The following KCNJ13 variants were observed in gnomAD, a reference collection of about 807,000 sequenced individuals.
KCNJ13 encodes the protein inward rectifier potassium channel 13.
KCNJ13 carries 9 observed loss-of-function variants against 24.6 expected under a neutral mutation model. The observed-to-expected ratio is 0.37, with a 90% CI of 0.22 to 0.64. The LOEUF (loss-of-function observed/expected upper bound fraction) is 0.64, where lower values mean the gene tolerates loss of function less well. Among genes scored for constraint, KCNJ13 ranks in the 30% least tolerant of loss-of-function variants. KCNJ13 has a pLI of 0.64. For synonymous variants in KCNJ13, 148 were observed against 154.7 expected (o/e 0.96, Z 0.32); for missense variants, 337 against 443.8 (o/e 0.76, Z 2.16).
At chr2:232,768,843 G>C in intron 2 of KCNJ13, 30 bp from the exon 3 acceptor site, 4 of 1,570,002 alleles carry the variant, frequency 2.5e-6, no homozygotes, top group Non-Finnish European at 3.5e-6. Context: ...TTTTTTTTTA[G>C]AATGAAGACT....
chr2:232,768,144 T>G lies in KCNJ13; in HGVS notation c.*47A>C, dbSNP rs767179140. Reference sequence around the variant, plus strand: ...TGAGATACAGTAAAGAAAAAGTAGCTGCATAACTGGCTGGGTGTATTTAAT... The same window carrying G: ...TGAGATACAGTAAAGAAAAAGTAGCGGCATAACTGGCTGGGTGTATTTAAT... On this transcript the variant is annotated 3_prime_UTR_variant, in exon 3 of 3. Coordinates refer to ENST00000233826, the MANE Select transcript of KCNJ13 (RefSeq NM_002242.4). 6.3e-7 allele frequency: 1 copy of G among 1,591,290 alleles called. No homozygotes were observed. Among genetic ancestry groups the G allele is most frequent in the Non-Finnish European group, 8.6e-7 (1 of 1,160,722 alleles).
At position 232,766,649 on chromosome 2, in the gene KCNJ13, T is replaced by G. The variant is rs1304894266; in HGVS notation, c.*1542A>C. 6.6e-6 allele frequency: 1 copy of G among 152,326 alleles called. No individual in the cohort carries two copies. The highest frequency in any genetic ancestry group is 1.5e-5 in the Non-Finnish European group (1 of 68,136). 9.4% of individuals were successfully genotyped at this position (152,326 alleles called of 1,614,324 possible). A position where few individuals can be genotyped will look rare whatever the true frequency, so the allele number is the denominator to read the frequency against. The stretch of plus-strand genomic sequence containing the variant: ...CAGCAAAAGTTCACAATAATTAAGT[T>G]TCTGTGTTCTTGATATTCTTCTGCT... On this transcript the variant is annotated 3_prime_UTR_variant, in exon 3 of 3. Transcript: ENST00000233826.
chr2:232,774,412 A>G (rs547376051), intron 1 of KCNJ13, among the ~76,000 whole-genome samples: 2 of 152,216 alleles, frequency 1.3e-5, no homozygotes, highest in African/African-American at 4.8e-5. Flanking sequence ...CACAGTCTGA[A>G]TTATTAGATA....
chr2:232,766,703 C>G lies in KCNJ13; in HGVS notation c.*1488G>C, dbSNP rs1698977494. 6.6e-6 allele frequency: 1 copy of G among 152,204 alleles called. No individual in the cohort carries two copies. Among genetic ancestry groups the G allele is most frequent in the Admixed American group, 6.5e-5 (1 of 15,282 alleles). The allele number at this position is 152,204 out of a possible 1,614,324, so 9.4% of individuals were successfully genotyped here. On this transcript the variant is annotated 3_prime_UTR_variant, in exon 3 of 3. Coordinates refer to ENST00000233826, the MANE Select transcript of KCNJ13 (RefSeq NM_002242.4). The stretch of plus-strand genomic sequence containing the variant: ...ATCAGTCTTAGACCACTCCAGAGTT[C>G]TTCTTTATTTTCTTTTCCTTTTGGT...
chr2:232,774,404 C>T (rs1559421479), intron 1 of KCNJ13, among the ~76,000 whole-genome samples: 1 of 152,110 alleles, frequency 6.6e-6, no homozygotes, highest in Non-Finnish European at 1.5e-5. Context: ...AAGATTATCA[C>T]AGTCTGAATT....
chr2:232,765,859 A>G lies in KCNJ13; in HGVS notation c.*2332T>C, dbSNP rs1228237551. 1 of 463,594 alleles carries G rather than the reference A, an allele frequency of 2.2e-6. No homozygotes were observed. Among genetic ancestry groups the G allele is most frequent in the Non-Finnish European group, 4.5e-6 (1 of 222,396 alleles). 28.7% of individuals were successfully genotyped at this position (463,594 alleles called of 1,614,324 possible). A position where few individuals can be genotyped will look rare whatever the true frequency, so the allele number is the denominator to read the frequency against. On this transcript the variant is annotated 3_prime_UTR_variant, in exon 3 of 3. Transcript: ENST00000233826. The stretch of plus-strand genomic sequence containing the variant: ...GATTTTTAGGTAACGACATGCCTCC[A>G]GTTTGTTGAAACTGTCATGCTATCT...
intron 2 of KCNJ13, 23 bp from the exon 3 acceptor site, chr2:232,768,836 T>G: frequency 6.3e-7 from 1 of 1,588,720 alleles, no homozygotes; most frequent in African/African-American, 1.4e-5. Flanking sequence ...TTATTGATTT[T>G]TTTTTAGAAT....
chr2:232,771,144 C>T lies in KCNJ13; in HGVS notation c.219G>A (p.Val73=). Residue 73 remains valine, a synonymous_variant, in exon 2 of 3, where the codon GTG becomes GTA. Coordinates refer to ENST00000233826, the MANE Select transcript of KCNJ13 (RefSeq NM_002242.4). ...SFVVHWLVFA[V]LWYVLAEMNG... ...TCATCTCAGCCAGAACATACCAGAG[C>T]ACTGCAAAGACAAGCCAGTGGACAA... 6.2e-7 allele frequency: 1 copy of T among 1,614,054 alleles called. No individual in the cohort carries two copies. Among genetic ancestry groups the T allele is most frequent in the South Asian group, 1.1e-5 (1 of 91,074 alleles).
intron 1 of KCNJ13, among the ~76,000 whole-genome samples, chr2:232,775,279 T>G (rs768715081): frequency 1.6e-4 from 24 of 152,126 alleles, no homozygotes; most frequent in Non-Finnish European, 2.8e-4. Context: ...TACATAGCTG[T>G]GTCATTTTGG....
chr2:232,769,944 G>C (rs1305572787), intron 2 of KCNJ13, among the ~76,000 whole-genome samples: 1 of 152,086 alleles, frequency 6.6e-6, no homozygotes, highest in Non-Finnish European at 1.5e-5. Flanking sequence ...TATGATTTCT[G>C]TTTGAATCAA....
At chr2:232,770,480 A>C (rs1699189668) in intron 2 of KCNJ13, among the ~76,000 whole-genome samples, 1 of 152,228 alleles carries the variant, frequency 6.6e-6, no homozygotes, top group African/African-American at 2.4e-5. Flanking sequence ...ATTCTAGCTC[A>C]GTGAAGAAAA....
In KCNJ13 at chr2:232,771,118, T is replaced by A. The variant is rs764509761; in HGVS notation, c.245A>T (p.Asn82Ile). 6.2e-7 allele frequency: 1 copy of A among 1,614,104 alleles called. No individual in the cohort carries two copies. Among genetic ancestry groups the A allele is most frequent in the Non-Finnish European group, 8.5e-7 (1 of 1,179,990 alleles). Reference protein sequence around the residue: ...AVLWYVLAEMNGDLELDHDAP... With the variant: ...AVLWYVLAEMIGDLELDHDAP... ...ATCATGATCTAGTTCCAGATCACCA[T>A]TCATCTCAGCCAGAACATACCAGAG... The change falls in exon 2 of 3, where the codon AAT becomes ATT. Residue 82 changes from asparagine to isoleucine, a missense_variant. Around this residue, in one of 3 missense-constraint regions of KCNJ13, gnomAD observed 101 missense variants for 139.2 expected, o/e 0.73. Transcript: ENST00000233826.
At position 232,771,343 on chromosome 2, in the gene KCNJ13, T is replaced by C. The variant is rs781442689; in HGVS notation, c.20A>G (p.Lys7Arg). 6.2e-7 allele frequency: 1 copy of C among 1,612,586 alleles called. No homozygotes were observed. The highest frequency in any genetic ancestry group is 8.5e-7 in the Non-Finnish European group (1 of 1,179,082). ...TTGACTTAGGAGAGGAGCAATAACT[T>C]TGCAATTACTGCTGTCCATCTCAGG... MDSSNC[K>R]VIAPLLSQRY... The change falls in exon 2 of 3, where the codon AAA becomes AGA. Residue 7 changes from lysine (K) to arginine (R), a missense_variant. Physicochemically the swap from Lys to Arg is conservative, Grantham distance 26. This residue lies in a region of KCNJ13 where 101 missense variants were observed against 139.2 expected (regional missense o/e 0.73). Transcript: ENST00000233826.
At chr2:232,771,517 A>G (rs1394933894) in intron 1 of KCNJ13, 139 bp from the exon 2 acceptor site, 1 of 559,088 alleles carries the variant, frequency 1.8e-6, no homozygotes, top group Admixed American at 3.2e-5. Flanking sequence ...TTTTCTCTTC[A>G]CGTTAGATGG....
chr2:232,768,588 A>G lies in KCNJ13; in HGVS notation c.686T>C (p.Ile229Thr). 6.2e-7 allele frequency: 1 copy of G among 1,614,172 alleles called. No homozygotes were observed. The highest frequency in any genetic ancestry group is 1.6e-4 in the Middle Eastern group (1 of 6,062). ...QTSVDFHLDG[I>T]SSDECPFFIF... ...GAAGAATGGACATTCGTCAGAACTG[A>G]TGCCATCAAGGTGGAAATCCACACT... is the stretch of plus-strand genomic sequence containing the variant. The change falls in exon 3 of 3, where the codon ATC becomes ACC. Residue 229 changes from isoleucine (I) to threonine (T), a missense_variant. Ile to Thr is a moderately conservative substitution (Grantham distance 89). This residue lies in a region of KCNJ13 where 235 missense variants were observed against 286.9 expected (regional missense o/e 0.82). Transcript: ENST00000233826.
At chr2:232,769,498 T>TC (rs1699137269) in intron 2 of KCNJ13, among the ~76,000 whole-genome samples, 1 of 105,816 alleles carries the variant, frequency 9.5e-6, no homozygotes, top group African/African-American at 3.7e-5. Flanking sequence ...AGAGGAAGAC[T>TC]CCATCTCAAA....
intron 1 of KCNJ13, among the ~76,000 whole-genome samples, chr2:232,772,825 C>T (rs1278470714): frequency 6.6e-6 from 1 of 152,184 alleles, no homozygotes; most frequent in African/African-American, 2.4e-5. Flanking sequence ...GAGAAGGGCA[C>T]TACAGACTTG....
At position 232,768,019 on chromosome 2, in the gene KCNJ13, G is replaced by A; in HGVS notation, c.*172C>T. ...CAAACTTTGTAATGTAGAGTGTTATGTTTCCAGAATGTGTATTGTTAGCTC... is the reference window on the plus strand; with the variant it reads ...CAAACTTTGTAATGTAGAGTGTTATATTTCCAGAATGTGTATTGTTAGCTC... On this transcript the variant is annotated 3_prime_UTR_variant, in exon 3 of 3. Coordinates refer to ENST00000233826, the MANE Select transcript of KCNJ13 (RefSeq NM_002242.4). The A allele has an allele frequency of 1.6e-6, 1 of 641,774 alleles. No homozygotes were observed. Among genetic ancestry groups the A allele is most frequent in the Non-Finnish European group, 2.7e-6 (1 of 371,438 alleles). 39.8% of individuals were successfully genotyped at this position (641,774 alleles called of 1,614,324 possible). A position where few individuals can be genotyped will look rare whatever the true frequency, so the allele number is the denominator to read the frequency against.
chr2:232,771,354 G>T lies in KCNJ13; in HGVS notation c.9C>A (p.Ser3Arg). Residue 3 changes from serine (S) to arginine (R), a missense_variant, in exon 2 of 3, where the codon AGC (serine) becomes AGA (arginine). Physicochemically the swap from Ser to Arg is moderately radical, Grantham distance 110. Coordinates refer to ENST00000233826, the MANE Select transcript of KCNJ13 (RefSeq NM_002242.4). MD[S>R]SNCKVIAPLL... ...GAGGAGCAATAACTTTGCAATTACT[G>T]CTGTCCATCTCAGGCTGTATTTCTC... 6.2e-7 allele frequency: 1 copy of T among 1,610,086 alleles called. No individual in the cohort carries two copies.
Sources: allele counts gnomAD v4.1 joint callset (sites outside exome capture counted in the v4.1 genomes callset), GRCh38; gene constraint gnomAD v4.1.1; regional missense constraint gnomAD v4.1.1; transcripts MANE v1.5; gene names NCBI Gene and HGNC (gene_info 2026-07-23, HGNC 2026-07-21).